Variants in NALCN observed in about 807,000 individuals in gnomAD.
NALCN encodes the protein sodium leak channel, non-selective, also known as sodium leak channel NALCN.
In NALCN, 111 loss-of-function variants were observed where a neutral mutation model predicts 225.3. The observed-to-expected ratio is 0.49, with a 90% CI of 0.42 to 0.58. NALCN has a LOEUF of 0.58. Among genes scored for constraint, NALCN ranks in the 20% least tolerant of loss-of-function variants. The pLI is 0.00. For missense variants in NALCN, 1,378 were observed against 2,202.4 expected (o/e 0.63, Z 7.49); for synonymous variants, 764 against 769.0 (o/e 0.99, Z 0.11).
intron 1 of NALCN, among the ~76,000 whole-genome samples, chr13:101,410,427 T>G (rs2047746613): frequency 6.6e-6 from 1 of 152,200 alleles, no homozygotes; most frequent in Non-Finnish European, 1.5e-5. Flanking sequence ...GCAAAATATG[T>G]CTGAGACAAA....
intron 15 of NALCN, among the ~76,000 whole-genome samples, chr13:101,154,944 C>T (rs2037832029): frequency 6.6e-6 from 1 of 152,092 alleles, no homozygotes; most frequent in Non-Finnish European, 1.5e-5. Context: ...AGTGTGTGTT[C>T]CCAGCTTTTT....
At chr13:101,316,289 C>T (rs2044552364) in intron 7 of NALCN, among the ~76,000 whole-genome samples, 1 of 152,204 alleles carries the variant, frequency 6.6e-6, no homozygotes, top group South Asian at 2.1e-4. Flanking sequence ...ACTAATCCCT[C>T]TCAGTTCGAT....
intron 13 of NALCN, among the ~76,000 whole-genome samples, chr13:101,206,857 A>T (rs1308820144): frequency 1.3e-5 from 2 of 151,886 alleles, no homozygotes; most frequent in Non-Finnish European, 2.9e-5. Flanking sequence ...CTGCAAATAT[A>T]GTTTGGTAAA....
At chr13:101,221,310 G>A (rs111526905) in intron 13 of NALCN, among the ~76,000 whole-genome samples, 2,039 of 152,114 alleles carry the variant, frequency 0.013, 43 homozygotes, top group African/African-American at 0.046. Context: ...GTAGAGACAG[G>A]GTTCCACCAT....
chr13:101,116,313 C>CATATATATAT (rs72172114), intron 18 of NALCN: 1 of 152,244 alleles, frequency 6.6e-6, no homozygotes, highest in African/African-American at 2.5e-5. Context: ...ATATGACAGC[C>CATATATATAT]ATATATATAT....
chr13:101,306,324 C>T (rs1011080407), intron 7 of NALCN, among the ~76,000 whole-genome samples: 2 of 152,222 alleles, frequency 1.3e-5, no homozygotes, highest in Non-Finnish European at 2.9e-5. Context: ...CACTTGTCTC[C>T]AGACACTGGC....
rs1391656122 is a variant in NALCN at position 101,416,416 on chromosome 13, C to G, written c.-143G>C. ...TGCCAGGCGCGGCGCCCAGGGCGGG[C>G]GGGGACGCGGGCCCCTCACCTACGG... On this transcript the variant is annotated 5_prime_UTR_variant, in exon 1 of 44. Coordinates refer to ENST00000251127, the MANE Select transcript of NALCN (RefSeq NM_052867.4). 6.6e-6 allele frequency: 1 copy of G among 151,970 alleles called. No homozygotes were observed. The highest frequency in any genetic ancestry group is 2.0e-4 in the East Asian group (1 of 5,048). The allele number at this position is 151,970 out of a possible 1,614,324, so 9.4% of individuals were successfully genotyped here. A position where few individuals can be genotyped will look rare whatever the true frequency, so the allele number is the denominator to read the frequency against.
chr13:101,376,411 G>T (rs1419705010), intron 6 of NALCN, among the ~76,000 whole-genome samples: 2 of 152,096 alleles, frequency 1.3e-5, no homozygotes, highest in African/African-American at 4.8e-5. Context: ...CAGCTACTTG[G>T]CAGGCTGAGG....
intron 6 of NALCN, among the ~76,000 whole-genome samples, chr13:101,363,395 T>C (rs969065834): frequency 6.6e-6 from 1 of 151,720 alleles, no homozygotes; most frequent in Non-Finnish European, 1.5e-5. Context: ...ACAGAAAATA[T>C]CCCAATGGAA....
chr13:101,406,599 T>C (rs1354563316), intron 1 of NALCN, among the ~76,000 whole-genome samples: 1 of 152,220 alleles, frequency 6.6e-6, no homozygotes, highest in Non-Finnish European at 1.5e-5. Context: ...TGAAATTGAA[T>C]CCATTTTTAT....
chr13:101,198,248 A>G (rs2039970310), intron 13 of NALCN, among the ~76,000 whole-genome samples: 1 of 152,226 alleles, frequency 6.6e-6, no homozygotes, highest in Non-Finnish European at 1.5e-5. Flanking sequence ...CTTCATGTCT[A>G]AAACACCAAA....
At chr13:101,180,214 T>TG (rs1269499596) in intron 14 of NALCN, among the ~76,000 whole-genome samples, 1 of 147,752 alleles carries the variant, frequency 6.8e-6, no homozygotes, top group East Asian at 2.0e-4. Context: ...CTTTTTTTTT[T>TG]TTTTTTTTTT....
At chr13:101,172,204 G>A (rs2038756896) in intron 15 of NALCN, among the ~76,000 whole-genome samples, 2 of 152,092 alleles carry the variant, frequency 1.3e-5, no homozygotes, top group East Asian at 1.9e-4. Flanking sequence ...AGGAGAACAC[G>A]GGCCCACCGA....
intron 7 of NALCN, among the ~76,000 whole-genome samples, chr13:101,326,414 C>T (rs181637408): frequency 4.6e-5 from 7 of 152,286 alleles, no homozygotes. Flanking sequence ...CAAAACATTC[C>T]TGATCTCAAA....
At position 101,314,976 on chromosome 13, in the gene NALCN, C is replaced by G. The variant is rs546728224; in HGVS notation, c.800-22610G>C. Among the ~76,000 whole-genome samples the G allele has an allele frequency of 2.1e-4, 8 of 38,944 alleles. No homozygotes were observed. In the East Asian group the frequency reaches 4.4e-3, roughly 22 times the overall value. 25.5% of individuals were successfully genotyped at this position (38,944 alleles called of 152,430 possible). On this transcript the variant is annotated intron_variant, in intron 7 of 43. Coordinates refer to ENST00000251127, the MANE Select transcript of NALCN (RefSeq NM_052867.4). ...CTAAAGTGATGCTGCCTGAACGTAC[C>G]TCCAGTGAGATGCTAAGGAAGGGCT...
Position 101,271,990 on chromosome 13 carries a change from ATG to A in NALCN, c.1134+11941_1134+11942del, listed in dbSNP as rs200924117. ...TAGATATGTGTGTGTGCCTGTGTGC[ATG>A]TGTGTGTCTGCGATTGTGTGTCACT... is the stretch of plus-strand genomic sequence containing the variant. On this transcript the variant is annotated intron_variant, in intron 10 of 43. Coordinates refer to ENST00000251127, the MANE Select transcript of NALCN (RefSeq NM_052867.4). Among the ~76,000 whole-genome samples, 1,198 of 144,258 alleles carry A rather than the reference ATG, an allele frequency of 8.3e-3. 15 individuals carry two copies. The highest frequency in any genetic ancestry group is 0.029 in the African/African-American group (1,136 of 38,660). The allele number at this position is 144,258 out of a possible 152,430, so 94.6% of individuals were successfully genotyped here. A position where few individuals can be genotyped will look rare whatever the true frequency, so the allele number is the denominator to read the frequency against.
intron 6 of NALCN, among the ~76,000 whole-genome samples, chr13:101,348,599 A>C (rs1334823435): frequency 6.6e-6 from 1 of 152,098 alleles, no homozygotes; most frequent in African/African-American, 2.4e-5. Context: ...GTTAATGATT[A>C]TGATTTTTTA....
intron 10 of NALCN, among the ~76,000 whole-genome samples, chr13:101,263,847 C>T (rs551827606): frequency 6.0e-4 from 91 of 152,212 alleles, no homozygotes; most frequent in African/African-American, 2.0e-3. Flanking sequence ...TCAGTAACTC[C>T]AGCTTTAAAG....
chr13:101,283,507 C>CTCTA (rs1479063936), intron 10 of NALCN, among the ~76,000 whole-genome samples: 1 of 152,166 alleles, frequency 6.6e-6, no homozygotes, highest in African/African-American at 2.4e-5. Context: ...AAAGAAACAC[C>CTCTA]TCTACATTAT....
Sources: gnomAD v4.1 joint callset for allele counts (sites outside exome capture counted in the v4.1 genomes callset) on GRCh38, gnomAD v4.1.1 for gene constraint, MANE v1.5 for transcripts, NCBI Gene and HGNC (gene_info 2026-07-23, HGNC 2026-07-21) for gene names.